TNR: variants seen among roughly 807,000 people sequenced by gnomAD.
TNR encodes the protein tenascin-R.
TNR carries 45 observed loss-of-function variants against 150.4 expected under a neutral mutation model. The ratio of observed to expected loss-of-function variants is 0.30; its 90% CI spans 0.24 to 0.38. The LOEUF (loss-of-function observed/expected upper bound fraction) is 0.38. Ranked by LOEUF, TNR falls within the 10% of genes least tolerant of loss-of-function variation. The pLI, the probability that TNR is intolerant of heterozygous loss-of-function variation, is 1.00. For missense variants in TNR, 1,544 were observed against 1,759.1 expected (o/e 0.88, Z 2.19); for synonymous variants, 687 against 678.4 (o/e 1.01, Z -0.20).
chr1:175,701,263 C>G (rs1666687930), intron 1 of TNR, among the ~76,000 whole-genome samples: 1 of 152,134 alleles, frequency 6.6e-6, no homozygotes, highest in African/African-American at 2.4e-5. Context: ...ATTCCTGTTC[C>G]TGCTCTCCTC....
chr1:175,655,941 C>T (rs2101893004), intron 1 of TNR, among the ~76,000 whole-genome samples: 1 of 152,252 alleles, frequency 6.6e-6, no homozygotes, highest in African/African-American at 2.4e-5. Context: ...GTTAGGGTTA[C>T]ACAAGTTGTG....
intron 2 of TNR, among the ~76,000 whole-genome samples, chr1:175,432,860 G>A (rs1308168664): frequency 6.6e-6 from 1 of 152,162 alleles, no homozygotes; most frequent in Admixed American, 6.5e-5. Context: ...CTCAAAGACT[G>A]CATATCCCAG....
At chr1:175,495,873 G>A (rs555876237) in intron 2 of TNR, among the ~76,000 whole-genome samples, 3 of 152,298 alleles carry the variant, frequency 2.0e-5, no homozygotes, top group East Asian at 1.9e-4. Flanking sequence ...GTATCTTTTC[G>A]AATTCATTCA....
intron 1 of TNR, among the ~76,000 whole-genome samples, chr1:175,548,716 C>A (rs757357128): frequency 6.6e-6 from 1 of 151,488 alleles, no homozygotes; most frequent in African/African-American, 2.4e-5. Flanking sequence ...GGGGAGCACC[C>A]GACAGTGAAG....
At chr1:175,473,154 C>T (rs990304261) in intron 2 of TNR, among the ~76,000 whole-genome samples, 16 of 152,282 alleles carry the variant, frequency 1.1e-4, no homozygotes, top group African/African-American at 3.4e-4. Context: ...TGAGGATTGT[C>T]TAACTGATGT....
At chr1:175,608,412 T>G (rs986818033) in intron 1 of TNR, among the ~76,000 whole-genome samples, 1 of 152,158 alleles carries the variant, frequency 6.6e-6, no homozygotes, top group Non-Finnish European at 1.5e-5. Flanking sequence ...AAGAAGTAAA[T>G]GCAATTGTAA....
chr1:175,437,905 A>G (rs1655587831), intron 2 of TNR, among the ~76,000 whole-genome samples: 1 of 152,152 alleles, frequency 6.6e-6, no homozygotes, highest in Non-Finnish European at 1.5e-5. Context: ...CAACCAAAAA[A>G]AGTCCAGGAC....
intron 2 of TNR, among the ~76,000 whole-genome samples, chr1:175,527,360 T>C (rs16848573): frequency 0.013 from 1,962 of 152,320 alleles, 55 homozygotes; most frequent in African/African-American, 0.045. Flanking sequence ...GAGGGTGTTC[T>C]GGGCTGATTC....
chr1:175,694,035 A>G (rs1298914669), intron 1 of TNR, among the ~76,000 whole-genome samples: 2 of 152,170 alleles, frequency 1.3e-5, no homozygotes, highest in Non-Finnish European at 2.9e-5. Flanking sequence ...TTGAGGCTCA[A>G]TCCCAGGATC....
intron 1 of TNR, among the ~76,000 whole-genome samples, chr1:175,541,630 G>A (rs1040686210): frequency 2.0e-5 from 3 of 150,622 alleles, no homozygotes; most frequent in African/African-American, 7.3e-5. Flanking sequence ...ATCTGGGGCT[G>A]AAAAAAAAAG....
intron 1 of TNR, among the ~76,000 whole-genome samples, chr1:175,589,914 TGCA>T (rs1011480183): frequency 6.6e-6 from 1 of 152,100 alleles, no homozygotes; most frequent in African/African-American, 2.4e-5. Context: ...GATTAATGGG[TGCA>T]GCAAACCACC....
intron 1 of TNR, among the ~76,000 whole-genome samples, chr1:175,539,980 G>C (rs1376960619): frequency 2.6e-5 from 4 of 152,166 alleles, no homozygotes; most frequent in Non-Finnish European, 5.9e-5. Flanking sequence ...AGACCACCAA[G>C]AATAGAGATA....
At position 175,637,670 on chromosome 1, in the gene TNR, G is replaced by T. The variant is rs1398750362; in HGVS notation, c.-165+105556C>A. Among the ~76,000 whole-genome samples the T allele has an allele frequency of 7.9e-5, 12 of 152,284 alleles. No homozygotes were observed. The East Asian group carries it at 2.3e-3, about 29-fold the overall frequency. ...ATCTTAAGGGGCCAAAATAATCCAG[G>T]TATCAGCTAATCAATGGCTGGATAA... On this transcript the variant is annotated intron_variant, in intron 1 of 22. Coordinates refer to ENST00000367674, the MANE Select transcript of TNR (RefSeq NM_003285.3).
chr1:175,722,474 A>AT (rs1380286623), intron 1 of TNR, among the ~76,000 whole-genome samples: 1 of 151,700 alleles, frequency 6.6e-6, no homozygotes, highest in Non-Finnish European at 1.5e-5. Context: ...TGTCTTTTTA[A>AT]TTTTTTTTAA....
intron 4 of TNR, 46 bp downstream of exon 4, chr1:175,403,094 T>G: frequency 6.6e-7 from 1 of 1,523,434 alleles, no homozygotes; most frequent in Non-Finnish European, 9.0e-7. Context: ...CCAGCTAGTT[T>G]GCTGGACCAC....
In TNR at chr1:175,685,691, A is replaced by G. The variant is rs530143160; in HGVS notation, c.-165+57535T>C. 5.3e-5 allele frequency among the ~76,000 whole-genome samples: 8 copies of G among 152,274 alleles called. No individual in the cohort carries two copies. The South Asian group carries it at 1.7e-3, about 32-fold the overall frequency. ...AGGCGTCATCATATTAAGTATGTCAAAGTGACCATCAGCTCTTCCCTACAT... is the reference window on the plus strand; with the variant it reads ...AGGCGTCATCATATTAAGTATGTCAGAGTGACCATCAGCTCTTCCCTACAT... On this transcript the variant is annotated intron_variant, in intron 1 of 22. Coordinates refer to ENST00000367674, the MANE Select transcript of TNR (RefSeq NM_003285.3).
rs1313314071 is a variant in TNR at position 175,416,731 on chromosome 1, G to A, written c.-63-9954C>T. ...TGGTTTGAAATATAAGAAGTGGGCC[G>A]GGTGCGGTGGCTCACGCCTGTAATC... is the stretch of plus-strand genomic sequence containing the variant. On this transcript the variant is annotated intron_variant, in intron 2 of 22. Coordinates refer to ENST00000367674, the MANE Select transcript of TNR (RefSeq NM_003285.3). 3.3e-5 allele frequency among the ~76,000 whole-genome samples: 5 copies of A among 152,132 alleles called. 1 individual carries two copies. In the South Asian group the frequency reaches 6.2e-4, roughly 19 times the overall value.
intron 1 of TNR, among the ~76,000 whole-genome samples, chr1:175,712,236 G>A (rs927409073): frequency 4.6e-5 from 7 of 152,084 alleles, no homozygotes; most frequent in Admixed American, 2.6e-4. Context: ...GAGAACTTGC[G>A]TATCTTGCCC....
rs573415085 is a variant in TNR, at chr1:175,426,064, G to A, written c.-63-19287C>T. Reference sequence around the variant, plus strand: ...TGGAACTGGACCTTTGGCTGCTAGAGGAAGCTGTAACAGGAGCCTGCTGAG... The same window carrying A: ...TGGAACTGGACCTTTGGCTGCTAGAAGAAGCTGTAACAGGAGCCTGCTGAG... On this transcript the variant is annotated intron_variant, in intron 2 of 22. Coordinates refer to ENST00000367674, the MANE Select transcript of TNR (RefSeq NM_003285.3). Among the ~76,000 whole-genome samples, 4 of 152,326 alleles carry A rather than the reference G, an allele frequency of 2.6e-5. No homozygotes were observed. In the South Asian group the frequency reaches 8.3e-4, roughly 32 times the overall value.
Sources: gnomAD v4.1 joint callset for allele counts (sites outside exome capture counted in the v4.1 genomes callset) on GRCh38, gnomAD v4.1.1 for gene constraint, MANE v1.5 for transcripts, NCBI Gene and HGNC (gene_info 2026-07-23, HGNC 2026-07-21) for gene names.